EXOC6B: variants seen among roughly 807,000 people sequenced by gnomAD.
EXOC6B encodes SEC15 homolog B.
EXOC6B carries 54 observed loss-of-function variants against 113.5 expected under a neutral mutation model. The ratio of observed to expected loss-of-function variants is 0.48; its 90% CI spans 0.38 to 0.60. The LOEUF (loss-of-function observed/expected upper bound fraction) is 0.60, where lower values mean the gene tolerates loss of function less well. Ranked by LOEUF, EXOC6B falls within the 20% of genes least tolerant of loss-of-function variation. The pLI, the probability that EXOC6B is intolerant of heterozygous loss-of-function variation, is 0.00. For missense variants in EXOC6B, 797 were observed against 977.5 expected (o/e 0.82, Z 2.46); for synonymous variants, 357 against 339.0 (o/e 1.05, Z -0.58).
intron 7 of EXOC6B, among the ~76,000 whole-genome samples, chr2:72,565,317 C>T (rs1194188266): frequency 7.5e-6 from 1 of 132,564 alleles, no homozygotes; most frequent in Admixed American, 8.2e-5. Flanking sequence ...TGCCACTGTA[C>T]TCTAGCCTGA....
rs576410157 is a variant in EXOC6B at position 72,214,348 on chromosome 2, G to A, written c.2197-30161C>T. Among the ~76,000 whole-genome samples the A allele has an allele frequency of 9.2e-5, 14 of 152,036 alleles. 1 individual carries two copies. In the East Asian group the frequency reaches 1.6e-3, roughly 17 times the overall value. The stretch of plus-strand genomic sequence containing the variant: ...TAAAAATACAAAAACAAAATTAGCC[G>A]GGCGTGGTGGCGGGCACCTGTAGTC... On this transcript the variant is annotated intron_variant, in intron 20 of 21. Coordinates refer to ENST00000272427, the MANE Select transcript of EXOC6B (RefSeq NM_015189.3).
intron 6 of EXOC6B, among the ~76,000 whole-genome samples, chr2:72,629,738 A>G (rs1174703328): frequency 6.6e-6 from 1 of 152,190 alleles, no homozygotes. Flanking sequence ...GCAATGATGT[A>G]TAAAACAATG....
chr2:72,411,078 G>A (rs1330708071), intron 18 of EXOC6B, among the ~76,000 whole-genome samples: 2 of 152,102 alleles, frequency 1.3e-5, no homozygotes, highest in African/African-American at 4.8e-5. Flanking sequence ...GTATGGTGGT[G>A]CACGCCTGTG....
chr2:72,455,992 T>C (rs936525281), intron 18 of EXOC6B, among the ~76,000 whole-genome samples: 9 of 152,114 alleles, frequency 5.9e-5, no homozygotes, highest in African/African-American at 1.9e-4. Flanking sequence ...AGCCCCACTA[T>C]TGATTAATTT....
At chr2:72,305,682 C>T (rs1333964694) in intron 20 of EXOC6B, among the ~76,000 whole-genome samples, 3 of 152,108 alleles carry the variant, frequency 2.0e-5, no homozygotes, top group Non-Finnish European at 4.4e-5. Flanking sequence ...ATAGCTACCT[C>T]ATGGACTTGT....
At chr2:72,371,682 C>G (rs1475349351) in intron 19 of EXOC6B, among the ~76,000 whole-genome samples, 2 of 152,052 alleles carry the variant, frequency 1.3e-5, no homozygotes, top group African/African-American at 4.8e-5. Flanking sequence ...AACATTACCT[C>G]AACAAAATAA....
At chr2:72,311,207 T>C (rs182732571) in intron 20 of EXOC6B, among the ~76,000 whole-genome samples, 67 of 152,350 alleles carry the variant, frequency 4.4e-4, no homozygotes, top group Non-Finnish European at 9.1e-4. Flanking sequence ...GTTAGAAGTA[T>C]AATACGGATG....
At chr2:72,780,110 C>T (rs1413058652) in intron 1 of EXOC6B, among the ~76,000 whole-genome samples, 3 of 152,100 alleles carry the variant, frequency 2.0e-5, no homozygotes, top group East Asian at 1.9e-4. Context: ...CCAACCATTA[C>T]ATGTATTATT....
intron 19 of EXOC6B, among the ~76,000 whole-genome samples, chr2:72,342,102 G>T (rs1689064221): frequency 6.6e-6 from 1 of 151,908 alleles, no homozygotes; most frequent in Non-Finnish European, 1.5e-5. Context: ...TAAGAGGGAA[G>T]TTTATTCTTA....
At chr2:72,461,355 T>A (rs75574784) in intron 18 of EXOC6B, 1 of 142,510 alleles carries the variant, frequency 7.0e-6, no homozygotes, top group Non-Finnish European at 1.5e-5. Flanking sequence ...ACTTAAAGTA[T>A]TAAAAAAAAA....
Position 72,809,056 on chromosome 2 carries a change from ACT to A in EXOC6B, c.113+16740_113+16741del, listed in dbSNP as rs766078315. ...ACTACAGCCTGGGTGACAGAGTAAGACTCTGTCTCAACAACAACAACAAGAGC... is the reference window on the plus strand; with the variant it reads ...ACTACAGCCTGGGTGACAGAGTAAGACTGTCTCAACAACAACAACAAGAGC... On this transcript the variant is annotated intron_variant, in intron 1 of 21. Transcript: ENST00000272427. 2.0e-5 allele frequency among the ~76,000 whole-genome samples: 3 copies of A among 152,252 alleles called. No individual in the cohort carries two copies. In the East Asian group the frequency reaches 5.8e-4, roughly 29 times the overall value.
chr2:72,183,997 G>T, intron 21 of EXOC6B, 78 bp downstream of exon 21: 1 of 805,884 alleles, frequency 1.2e-6, no homozygotes, highest in Non-Finnish European at 2.0e-6. Flanking sequence ...TATTGGCAGT[G>T]GCAAAATTAT....
chr2:72,751,115 T>C (rs926070430), intron 1 of EXOC6B, among the ~76,000 whole-genome samples: 3 of 152,112 alleles, frequency 2.0e-5, no homozygotes, highest in Non-Finnish European at 4.4e-5. Context: ...CAGGTCTCAG[T>C]CAACTTACAG....
intron 6 of EXOC6B, among the ~76,000 whole-genome samples, chr2:72,580,923 C>T (rs1705182039): frequency 1.3e-5 from 2 of 152,304 alleles, no homozygotes; most frequent in South Asian, 4.2e-4. Flanking sequence ...AACCAGACTG[C>T]CCTAGCATTA....
At chr2:72,352,559 A>C (rs1272921330) in intron 19 of EXOC6B, among the ~76,000 whole-genome samples, 1 of 152,172 alleles carries the variant, frequency 6.6e-6, no homozygotes, top group African/African-American at 2.4e-5. Context: ...AAAGAGGACA[A>C]ATTTTAATAC....
intron 1 of EXOC6B, among the ~76,000 whole-genome samples, chr2:72,791,232 C>T (rs954823662): frequency 2.0e-5 from 3 of 152,158 alleles, no homozygotes; most frequent in Admixed American, 6.5e-5. Context: ...AGTATTACTC[C>T]GTATCCTACA....
At chr2:72,203,068 G>C (rs1347258937) in intron 20 of EXOC6B, among the ~76,000 whole-genome samples, 2 of 152,186 alleles carry the variant, frequency 1.3e-5, no homozygotes, top group Non-Finnish European at 2.9e-5. Flanking sequence ...AGAGTATTCA[G>C]CATAGTGCCT....
chr2:72,194,306 A>G (rs557401245), intron 20 of EXOC6B, among the ~76,000 whole-genome samples: 2 of 152,290 alleles, frequency 1.3e-5, no homozygotes, highest in East Asian at 3.9e-4. Context: ...TAGAGAAGGT[A>G]GAAGGAATTT....
intron 20 of EXOC6B, among the ~76,000 whole-genome samples, chr2:72,288,578 T>G (rs1057003778): frequency 1.3e-5 from 2 of 152,056 alleles, no homozygotes; most frequent in Non-Finnish European, 2.9e-5. Flanking sequence ...CAATGTAATG[T>G]TTAATGAAAG....
Sources: gnomAD v4.1 joint callset for allele counts (sites outside exome capture counted in the v4.1 genomes callset) on GRCh38, gnomAD v4.1.1 for gene constraint, MANE v1.5 for transcripts, NCBI Gene and HGNC (gene_info 2026-07-23, HGNC 2026-07-21) for gene names.